The following VPS13B variants were observed in gnomAD, a reference collection of about 807,000 sequenced individuals.
The protein encoded by VPS13B is vacuolar protein sorting 13 homolog B.
VPS13B carries 285 observed loss-of-function variants against 426.4 expected under a neutral mutation model. The ratio of observed to expected loss-of-function variants is 0.67; its 90% CI spans 0.61 to 0.74. The LOEUF (loss-of-function observed/expected upper bound fraction) is 0.74, where lower values mean the gene tolerates loss of function less well. Ranked by LOEUF, VPS13B falls within the 30% of genes least tolerant of loss-of-function variation. The pLI, the probability that VPS13B is intolerant of heterozygous loss-of-function variation, is 0.00. For missense variants in VPS13B, 4,537 were observed against 4,782.6 expected, an observed-to-expected ratio of 0.95 and a Z score of 1.51; for synonymous variants, 1,676 against 1,676.4, an observed-to-expected ratio of 1.00 and a Z score of 0.01.
intron 25 of VPS13B, among the ~76,000 whole-genome samples, chr8:99,491,543 G>A (rs1820603232): frequency 6.6e-6 from 1 of 152,076 alleles, no homozygotes; most frequent in South Asian, 2.1e-4. Context: ...TATATTTCTT[G>A]GAGGCTTTGT....
At position 99,252,814 on chromosome 8, in the gene VPS13B, A is replaced by T. The variant is rs183767803; in HGVS notation, c.2516-21384A>T. On this transcript the variant is annotated intron_variant, in intron 17 of 61. Coordinates refer to ENST00000357162, the MANE Select transcript of VPS13B (RefSeq NM_152564.5). ...TGACATTAAAATAACCAGTTTTTTT[A>T]AAAAAAAATTGAGATAAAATTCACA... is the stretch of plus-strand genomic sequence containing the variant. Among the ~76,000 whole-genome samples the T allele has an allele frequency of 1.9e-3, 283 of 151,366 alleles. 1 individual carries two copies. The highest frequency in any genetic ancestry group is 6.9e-3 in the South Asian group (33 of 4,788).
chr8:99,302,710 T>C (rs1820431202), intron 19 of VPS13B, among the ~76,000 whole-genome samples: 1 of 152,082 alleles, frequency 6.6e-6, no homozygotes, highest in African/African-American at 2.4e-5. Context: ...GGTTTTGCCA[T>C]GTTGGCCATG....
At chr8:99,428,120 T>A (rs1016102521) in intron 21 of VPS13B, among the ~76,000 whole-genome samples, 2 of 152,154 alleles carry the variant, frequency 1.3e-5, no homozygotes, top group African/African-American at 4.8e-5. Flanking sequence ...TCCTTACACC[T>A]TATACAAAAA....
rs1187238292 is a variant in VPS13B at position 99,853,640 on chromosome 8, T to G, written c.10251T>G (p.Leu3417=). 1.2e-6 allele frequency: 2 copies of G among 1,614,148 alleles called. No individual in the cohort carries two copies. Among genetic ancestry groups the G allele is most frequent in the South Asian group, 2.2e-5 (2 of 91,084 alleles). ...GEEPVAALFE[L]YCVEICCGDL... is the part of the protein sequence containing the mutation. Reference sequence around the variant, plus strand: ...AGCCTGTGGCTGCGTTGTTTGAACTTTACTGTGTGGAGATCTGCTGTGGGG... The same window carrying G: ...AGCCTGTGGCTGCGTTGTTTGAACTGTACTGTGTGGAGATCTGCTGTGGGG... Residue 3417 remains leucine, a synonymous_variant, in exon 56 of 62, where the codon CTT becomes CTG. Transcript: ENST00000357162.
At chr8:99,543,694 C>T (rs1304502764) in intron 30 of VPS13B, among the ~76,000 whole-genome samples, 1 of 148,882 alleles carries the variant, frequency 6.7e-6, no homozygotes, top group Non-Finnish European at 1.5e-5. Flanking sequence ...TTTATGCAGC[C>T]AAAAAACACA....
Position 99,531,601 on chromosome 8 carries a change from TGTG to T in VPS13B, c.4745+10594_4745+10596del, listed in dbSNP as rs540262645. Among the ~76,000 whole-genome samples the T allele has an allele frequency of 6.2e-3, 946 of 152,226 alleles. 6 individuals carry two copies. The highest frequency in any genetic ancestry group is 0.021 in the African/African-American group (882 of 41,576). On this transcript the variant is annotated intron_variant, in intron 30 of 61. Coordinates refer to ENST00000357162, the MANE Select transcript of VPS13B (RefSeq NM_152564.5). ...CTTACATATCAGTATTTTTATAAAT[TGTG>T]GTAAAAAATATTGGTTTTATTTTAA... is the stretch of plus-strand genomic sequence containing the variant.
At chr8:99,100,825 G>A (rs548503737) in intron 4 of VPS13B, among the ~76,000 whole-genome samples, 12 of 151,938 alleles carry the variant, frequency 7.9e-5, no homozygotes, top group Non-Finnish European at 1.5e-4. Context: ...GGCGGATCAC[G>A]AGGTCAGGAG....
intron 33 of VPS13B, among the ~76,000 whole-genome samples, chr8:99,620,231 A>G (rs982334529): frequency 2.6e-5 from 4 of 152,228 alleles, no homozygotes; most frequent in Non-Finnish European, 5.9e-5. Flanking sequence ...GGGTGACTCA[A>G]GAGAACTAGA....
At chr8:99,812,892 T>C (rs1813797159) in intron 44 of VPS13B, among the ~76,000 whole-genome samples, 1 of 152,186 alleles carries the variant, frequency 6.6e-6, no homozygotes, top group African/African-American at 2.4e-5. Context: ...AGTAAAATCA[T>C]ATGTGGAAAT....
rs1265870014 is a variant in VPS13B, at chr8:99,013,290, C to G, written c.-87C>G. 8.2e-6 allele frequency: 2 copies of G among 242,506 alleles called. No individual in the cohort carries two copies. The highest frequency in any genetic ancestry group is 5.2e-5 in the South Asian group (1 of 19,320). 15.0% of individuals were successfully genotyped at this position (242,506 alleles called of 1,614,324 possible). A position where few individuals can be genotyped will look rare whatever the true frequency, so the allele number is the denominator to read the frequency against. ...TGGCGCGGTACAGGAGCAGCACTGC[C>G]GGCGGGGGCGGGTGCCAGGGACTTG... On this transcript the variant is annotated 5_prime_UTR_variant, in exon 1 of 62. Transcript: ENST00000357162.
intron 3 of VPS13B, among the ~76,000 whole-genome samples, chr8:99,083,328 A>G (rs1192569231): frequency 2.6e-5 from 4 of 152,210 alleles, no homozygotes; most frequent in Non-Finnish European, 4.4e-5. Flanking sequence ...ACTTTGCTGA[A>G]GTTGCCTATC....
At chr8:99,565,540 A>C (rs1399157737) in intron 31 of VPS13B, among the ~76,000 whole-genome samples, 2 of 152,060 alleles carry the variant, frequency 1.3e-5, no homozygotes, top group East Asian at 3.9e-4. Flanking sequence ...AAATTCCTAA[A>C]CCATATATTT....
intron 51 of VPS13B, among the ~76,000 whole-genome samples, chr8:99,825,753 G>A (rs1047306931): frequency 6.6e-6 from 1 of 152,152 alleles, no homozygotes; most frequent in South Asian, 2.1e-4. Flanking sequence ...TGTATAAGGT[G>A]TAAGGAAGGG....
intron 19 of VPS13B, among the ~76,000 whole-genome samples, chr8:99,352,450 A>G (rs887823916): frequency 5.3e-5 from 8 of 152,182 alleles, no homozygotes; most frequent in Admixed American, 2.6e-4. Context: ...TATTAGAAGA[A>G]ATGAGTGGTA....
At chr8:99,451,584 C>T (rs182515780) in intron 23 of VPS13B, among the ~76,000 whole-genome samples, 2 of 152,228 alleles carry the variant, frequency 1.3e-5, no homozygotes, top group Non-Finnish European at 2.9e-5. Flanking sequence ...CGGTAAAAAC[C>T]ATTATGGTTC....
At chr8:99,060,153 A>C (rs1440216032) in intron 3 of VPS13B, among the ~76,000 whole-genome samples, 1 of 152,144 alleles carries the variant, frequency 6.6e-6, no homozygotes, top group Non-Finnish European at 1.5e-5. Flanking sequence ...AGTGTAGGTA[A>C]ATTTTTTTCA....
intron 58 of VPS13B, 122 bp from the exon 59 acceptor site, chr8:99,868,167 A>G: frequency 8.2e-7 from 1 of 1,223,748 alleles, no homozygotes; most frequent in Non-Finnish European, 1.2e-6. Context: ...TGGGTAGTAA[A>G]GACCTTTATA....
chr8:99,758,814 C>T (rs1810770426), intron 39 of VPS13B, among the ~76,000 whole-genome samples: 1 of 152,098 alleles, frequency 6.6e-6, no homozygotes, highest in South Asian at 2.1e-4. Context: ...CCTAAACCTC[C>T]ACCTGTTCTT....
intron 33 of VPS13B, among the ~76,000 whole-genome samples, chr8:99,595,949 AGCC>A (rs1269516794): frequency 3.3e-5 from 5 of 151,968 alleles, no homozygotes; most frequent in Non-Finnish European, 7.4e-5. Flanking sequence ...TGCAAATCAA[AGCC>A]ACAAGAAAAC....
Sources: allele counts gnomAD v4.1 joint callset (sites outside exome capture counted in the v4.1 genomes callset), GRCh38; gene constraint gnomAD v4.1.1; transcripts MANE v1.5; gene names NCBI Gene and HGNC (gene_info 2026-07-23, HGNC 2026-07-21).